Variants in CADPS2 observed in about 807,000 individuals in gnomAD.
CADPS2 encodes calcium dependent secretion activator 2, also known as calcium-dependent secretion activator 2.
In CADPS2, 93 loss-of-function variants were observed where a neutral mutation model predicts 172.5. The ratio of observed to expected loss-of-function variants is 0.54; its 90% CI spans 0.46 to 0.64. The LOEUF is 0.64. CADPS2 is among the 30% of genes least tolerant of loss of function. The pLI, the probability that CADPS2 is intolerant of heterozygous loss-of-function variation, is 0.00. For missense variants in CADPS2, 1,420 were observed against 1,565.9 expected (o/e 0.91, Z 1.57); for synonymous variants, 546 against 555.2 (o/e 0.98, Z 0.23).
At chr7:122,357,338 T>A (rs1263859027) in intron 27 of CADPS2, 1 of 152,106 alleles carries the variant, frequency 6.6e-6, no homozygotes, top group African/African-American at 2.4e-5. Context: ...TAAGTTCCAT[T>A]TCCCCTTATT....
chr7:122,552,421 C>T (rs896656389), intron 8 of CADPS2, among the ~76,000 whole-genome samples: 3 of 152,060 alleles, frequency 2.0e-5, no homozygotes. Context: ...AATTAAGAGA[C>T]GATGATATAT....
chr7:122,390,169 C>T (rs918778424), intron 22 of CADPS2, among the ~76,000 whole-genome samples: 4 of 151,956 alleles, frequency 2.6e-5, no homozygotes, highest in African/African-American at 4.8e-5. Flanking sequence ...TGAACACTCC[C>T]GTAGCACTTT....
intron 1 of CADPS2, among the ~76,000 whole-genome samples, chr7:122,868,882 T>G (rs1260779512): frequency 6.6e-6 from 1 of 152,118 alleles, no homozygotes; most frequent in Non-Finnish European, 1.5e-5. Flanking sequence ...ACAGAAATCA[T>G]TGAGCTGAAG....
chr7:122,544,747 G>A (rs1346190581), intron 8 of CADPS2, among the ~76,000 whole-genome samples: 1 of 152,048 alleles, frequency 6.6e-6, no homozygotes, highest in Non-Finnish European at 1.5e-5. Flanking sequence ...TCTGTCTCAG[G>A]GACCAAAGCA....
chr7:122,619,875 G>A (rs949296059), intron 5 of CADPS2, among the ~76,000 whole-genome samples: 1 of 152,116 alleles, frequency 6.6e-6, no homozygotes, highest in African/African-American at 2.4e-5. Flanking sequence ...AAACCATTTG[G>A]CAAAGTCATT....
At chr7:122,470,688 G>C (rs566870966) in intron 14 of CADPS2, among the ~76,000 whole-genome samples, 1 of 152,014 alleles carries the variant, frequency 6.6e-6, no homozygotes, top group Non-Finnish European at 1.5e-5. Context: ...TAGAGATGAG[G>C]TTTCACTCAG....
At chr7:122,432,460 T>C (rs893991551) in intron 17 of CADPS2, among the ~76,000 whole-genome samples, 4 of 151,528 alleles carry the variant, frequency 2.6e-5, no homozygotes, top group Admixed American at 6.6e-5. Context: ...GCCAACATGG[T>C]GAAACCCCAT....
At chr7:122,480,268 G>T in intron 12 of CADPS2, 5 of 261,480 alleles carry the variant, frequency 1.9e-5, no homozygotes, top group East Asian at 1.3e-4. Context: ...AAAAAGATAA[G>T]GTTGTCTTCC....
At chr7:122,615,110 C>T (rs34208874) in intron 6 of CADPS2, 71 bp downstream of exon 6, 112,990 of 914,176 alleles carry the variant, frequency 0.12, 7,933 homozygotes, top group African/African-American at 0.23. Context: ...TGCACATAAA[C>T]AGAGCATGTT....
At chr7:122,589,050 A>G (rs2070279580) in intron 6 of CADPS2, among the ~76,000 whole-genome samples, 1 of 151,954 alleles carries the variant, frequency 6.6e-6, no homozygotes, top group South Asian at 2.1e-4. Context: ...TATGCCAATG[A>G]GCTGTAGTAT....
At position 122,499,494 on chromosome 7, in the gene CADPS2, C is replaced by T. The variant is rs146758499; in HGVS notation, c.1543-8074G>A. Among the ~76,000 whole-genome samples the T allele has an allele frequency of 1.1e-3, 173 of 152,150 alleles. 4 individuals are homozygous for T. In the East Asian group the frequency reaches 0.029, roughly 25 times the overall value. On this transcript the variant is annotated intron_variant, in intron 9 of 29. Transcript: ENST00000449022. ...AAAAACATGGGCACTATATTTTATT[C>T]GGCATTTCTAGGTATTGGCCAAAAA...
intron 13 of CADPS2, among the ~76,000 whole-genome samples, chr7:122,472,937 T>G (rs1424078943): frequency 6.6e-6 from 1 of 152,140 alleles, no homozygotes; most frequent in Non-Finnish European, 1.5e-5. Context: ...TCTGAAATCT[T>G]AAACAGAATG....
intron 1 of CADPS2, among the ~76,000 whole-genome samples, chr7:122,743,021 A>C (rs966566307): frequency 1.3e-5 from 2 of 152,146 alleles, no homozygotes; most frequent in East Asian, 3.9e-4. Flanking sequence ...TTTTGTCTTC[A>C]GACTACTGTA....
intron 6 of CADPS2, among the ~76,000 whole-genome samples, chr7:122,586,996 A>G (rs753600820): frequency 6.6e-6 from 1 of 151,890 alleles, no homozygotes; most frequent in Non-Finnish European, 1.5e-5. Flanking sequence ...CAAATGCATC[A>G]CTAATTTTAT....
chr7:122,695,381 G>A (rs907784315), intron 2 of CADPS2, among the ~76,000 whole-genome samples: 1 of 152,276 alleles, frequency 6.6e-6, no homozygotes, highest in Middle Eastern at 3.4e-3. Context: ...CTAGGTACAA[G>A]AGAAAATGGT....
chr7:122,461,857 G>C (rs1484172225), intron 14 of CADPS2, among the ~76,000 whole-genome samples: 6 of 151,972 alleles, frequency 3.9e-5, no homozygotes, highest in African/African-American at 1.5e-4. Context: ...GCCTCCCAGA[G>C]TGCTGGGATT....
chr7:122,383,239 T>C (rs982574653), intron 24 of CADPS2, among the ~76,000 whole-genome samples: 3 of 151,538 alleles, frequency 2.0e-5, no homozygotes, highest in African/African-American at 7.3e-5. Flanking sequence ...GAACAGAAAA[T>C]CAGATACTGC....
intron 1 of CADPS2, among the ~76,000 whole-genome samples, chr7:122,774,269 T>TACACACACACACACAC (rs56843003): frequency 3.5e-5 from 5 of 142,966 alleles, no homozygotes; most frequent in Non-Finnish European, 6.2e-5. Flanking sequence ...TAGATAGATA[T>TACACACACACACACAC]ACACACACAC....
intron 6 of CADPS2, among the ~76,000 whole-genome samples, chr7:122,594,588 A>G (rs901776337): frequency 4.6e-5 from 7 of 152,022 alleles, no homozygotes; most frequent in African/African-American, 1.7e-4. Context: ...TAGAAAAATC[A>G]TATTACACTT....
Sources: allele counts gnomAD v4.1 joint callset (sites outside exome capture counted in the v4.1 genomes callset), GRCh38; gene constraint gnomAD v4.1.1; transcripts MANE v1.5; gene names NCBI Gene and HGNC (gene_info 2026-07-23, HGNC 2026-07-21).